The following ERLIN1 variants were observed in gnomAD, a reference collection of about 807,000 sequenced individuals.
ERLIN1 encodes the protein erlin-1.
A neutral mutation model predicts 46.9 loss-of-function variants in ERLIN1; 24 were observed. The ratio of observed to expected loss-of-function variants is 0.51; its 90% CI spans 0.37 to 0.72. The LOEUF (loss-of-function observed/expected upper bound fraction) is 0.72, where lower values mean the gene tolerates loss of function less well. Ranked by LOEUF, ERLIN1 falls within the 30% of genes least tolerant of loss-of-function variation. ERLIN1 has a pLI of 0.00. For synonymous variants in ERLIN1, 158 were observed against 143.2 expected, an observed-to-expected ratio of 1.10 and a Z score of -0.74; for missense variants, 293 against 417.9, an observed-to-expected ratio of 0.70 and a Z score of 2.61.
At chr10:100,158,295 A>G (rs181169695) in intron 8 of ERLIN1, among the ~76,000 whole-genome samples, 47 of 152,390 alleles carry the variant, frequency 3.1e-4, no homozygotes, top group African/African-American at 1.1e-3. Flanking sequence ...AAATACAGAC[A>G]GAAACATGTT....
At chr10:100,175,791 CTT>C (rs1442449102) in intron 5 of ERLIN1, among the ~76,000 whole-genome samples, 152 bp downstream of exon 5, 1 of 152,074 alleles carries the variant, frequency 6.6e-6, no homozygotes, top group East Asian at 1.9e-4. Context: ...AAATTTTAAA[CTT>C]AAGATAAAAA....
At chr10:100,157,565 C>A (rs550868106) in intron 8 of ERLIN1, among the ~76,000 whole-genome samples, 3 of 152,248 alleles carry the variant, frequency 2.0e-5, no homozygotes, top group African/African-American at 7.2e-5. Context: ...AGAAAACTTC[C>A]AAGTGATTTT....
chr10:100,159,894 AT>A (rs1843272744), intron 8 of ERLIN1, among the ~76,000 whole-genome samples: 1 of 151,626 alleles, frequency 6.6e-6, no homozygotes, highest in African/African-American at 2.4e-5. Flanking sequence ...GGAAGGAAAT[AT>A]TTTTTAAAAA....
chr10:100,179,392 G>A lies in ERLIN1; in HGVS notation c.196-145C>T. ...TTCAGTTCCCAAAGATTAGCTCTCA[G>A]AACAGTCATTTCTTTTTGTATTCTA... is the stretch of plus-strand genomic sequence containing the variant. On this transcript the variant is annotated intron_variant, in intron 2 of 10. Coordinates refer to ENST00000421367, the MANE Select transcript of ERLIN1 (RefSeq NM_006459.4). The A allele has an allele frequency of 5.3e-6, 3 of 566,086 alleles. No individual in the cohort carries two copies. The South Asian group carries it at 6.8e-5, about 13-fold the overall frequency. The allele number at this position is 566,086 out of a possible 1,614,324, so 35.1% of individuals were successfully genotyped here. A position where few individuals can be genotyped will look rare whatever the true frequency, so the allele number is the denominator to read the frequency against.
chr10:100,169,200 T>A (rs1843839920), intron 6 of ERLIN1, among the ~76,000 whole-genome samples: 1 of 152,178 alleles, frequency 6.6e-6, no homozygotes. Context: ...GAGAGAGAGC[T>A]ATTCTCCTTT....
intron 9 of ERLIN1, 78 bp downstream of exon 9, chr10:100,156,067 C>T: frequency 1.2e-6 from 1 of 867,306 alleles, no homozygotes; most frequent in South Asian, 1.4e-5. Context: ...TCACCCACCA[C>T]AATCAAAGGC....
Sources: allele counts gnomAD v4.1 joint callset (sites outside exome capture counted in the v4.1 genomes callset), GRCh38; gene constraint gnomAD v4.1.1; transcripts MANE v1.5; gene names NCBI Gene and HGNC (gene_info 2026-07-23, HGNC 2026-07-21).